The following TMEM50B variants were observed in gnomAD, a reference collection of about 807,000 sequenced individuals.
The protein encoded by TMEM50B is transmembrane protein 50B, also known as HCV p7-trans-regulated protein 3.
A neutral mutation model predicts 23.4 loss-of-function variants in TMEM50B; 14 were observed. That is an observed-to-expected ratio of 0.60 (90% CI 0.39 to 0.93). TMEM50B has a LOEUF of 0.93. Among genes scored for constraint, TMEM50B ranks in the 40% least tolerant of loss-of-function variants. TMEM50B has a pLI of 0.00. For missense variants in TMEM50B, 159 were observed against 193.0 expected (o/e 0.82, Z 1.04); for synonymous variants, 64 against 62.3 (o/e 1.03, Z -0.13).
At chr21:33,452,138 A>G (rs1292464871) in intron 6 of TMEM50B, among the ~76,000 whole-genome samples, 1 of 152,252 alleles carries the variant, frequency 6.6e-6, no homozygotes, top group Non-Finnish European at 1.5e-5. Flanking sequence ...CTTAATCTCT[A>G]AAGACTGCCT....
chr21:33,458,369 C>T (rs2084188604), intron 5 of TMEM50B, among the ~76,000 whole-genome samples: 1 of 152,216 alleles, frequency 6.6e-6, no homozygotes, highest in East Asian at 1.9e-4. Flanking sequence ...CAAAAATTAT[C>T]TGGGCGTGGT....
At chr21:33,477,859 G>A (rs1313118414) in intron 1 of TMEM50B, among the ~76,000 whole-genome samples, 1 of 151,306 alleles carries the variant, frequency 6.6e-6, no homozygotes, top group Non-Finnish European at 1.5e-5. Context: ...CTTTAGGCCG[G>A]GCACAGTGGC....
At chr21:33,458,544 G>T (rs537262626) in intron 5 of TMEM50B, among the ~76,000 whole-genome samples, 1 of 152,276 alleles carries the variant, frequency 6.6e-6, no homozygotes, top group South Asian at 2.1e-4. Context: ...GATTCCATGT[G>T]TATGAAATAG....
downstream of TMEM50B, among the ~76,000 whole-genome samples, chr21:33,448,119 G>C (rs777977184): frequency 6.6e-6 from 1 of 151,374 alleles, no homozygotes; most frequent in Non-Finnish European, 1.5e-5. Flanking sequence ...TCAGCCTCCC[G>C]AGTAGCTGGG....
At chr21:33,437,139 T>TC in intron 8 of TMEM50B, 1 of 584,946 alleles carries the variant, frequency 1.7e-6, no homozygotes, top group Non-Finnish European at 3.0e-6. Flanking sequence ...TTTTTTTTTT[T>TC]CTTAAAGAAT....
intron 7 of TMEM50B, among the ~76,000 whole-genome samples, chr21:33,441,516 C>G (rs942703676): frequency 2.0e-5 from 3 of 152,142 alleles, no homozygotes; most frequent in African/African-American, 7.2e-5. Flanking sequence ...GGATGCCATT[C>G]CAAGGTTAGA....
intron 4 of TMEM50B, chr21:33,465,126 A>G (rs982459955): frequency 1.6e-5 from 7 of 429,828 alleles, no homozygotes; most frequent in Non-Finnish European, 2.9e-5. Flanking sequence ...TTTTTTATCT[A>G]TATCATGGGC....
At chr21:33,448,056 G>A (rs569634712), downstream of TMEM50B, among the ~76,000 whole-genome samples, 150 of 152,180 alleles carry the variant, frequency 9.9e-4, no homozygotes, top group South Asian at 2.1e-3. Flanking sequence ...GCAGTTGCAC[G>A]ATCTTGGCTC....
chr21:33,478,714 G>C (rs949314408), intron 1 of TMEM50B: 5 of 463,762 alleles, frequency 1.1e-5, no homozygotes, highest in Non-Finnish European at 2.2e-5. Context: ...CTTTTGGTTT[G>C]CATTTCAATA....
downstream of TMEM50B, among the ~76,000 whole-genome samples, chr21:33,446,108 C>G (rs1405707553): frequency 6.6e-5 from 10 of 152,190 alleles, no homozygotes; most frequent in Admixed American, 6.5e-4. Flanking sequence ...ACAGGCTTTT[C>G]CCAAAGCCAG....
chr21:33,437,219 A>G (rs796921132), intron 8 of TMEM50B: 14 of 462,060 alleles, frequency 3.0e-5, no homozygotes, highest in African/African-American at 2.8e-4. Context: ...CTTAAACACT[A>G]AAAAGGCATG....
chr21:33,443,987 G>A (rs549337577), intron 7 of TMEM50B, among the ~76,000 whole-genome samples: 105 of 152,186 alleles, frequency 6.9e-4, no homozygotes, highest in African/African-American at 2.5e-3. Flanking sequence ...TGCAACTTCC[G>A]CCTCCTGGGT....
chr21:33,466,081 G>A (rs936105207), intron 3 of TMEM50B, among the ~76,000 whole-genome samples: 3 of 152,026 alleles, frequency 2.0e-5, no homozygotes, highest in Non-Finnish European at 2.9e-5. Context: ...CAAACATGGT[G>A]GAACCCCGTC....
In TMEM50B at chr21:33,467,037, C is replaced by A. The variant is rs1446739863; in HGVS notation, c.185G>T (p.Gly62Val). ...GAAGAAAGCCAATGTGGAAAATACA[C>A]CACATGTGTGAAAGGCATGGTTCAA... Reference protein sequence around the residue: ...EQLNHAFHTCGVFSTLAFFMI... With the variant: ...EQLNHAFHTCVVFSTLAFFMI... Residue 62 changes from glycine (G) to valine (V), a missense_variant, in exon 3 of 7, where the codon GGT (glycine) becomes GTT (valine). Coordinates refer to ENST00000542230, the MANE Select transcript of TMEM50B (RefSeq NM_006134.7). The A allele has an allele frequency of 1.1e-5, 18 of 1,613,946 alleles. No individual in the cohort carries two copies. Among genetic ancestry groups the A allele is most frequent in the Non-Finnish European group, 1.5e-5 (18 of 1,179,962 alleles).
At chr21:33,446,311 A>G (rs1367220980), downstream of TMEM50B, among the ~76,000 whole-genome samples, 1 of 150,198 alleles carries the variant, frequency 6.7e-6, no homozygotes, top group Non-Finnish European at 1.5e-5. Context: ...ATCTGAGCTC[A>G]CTGCAGCCTC....
At chr21:33,456,037 C>T (rs759037964) in intron 5 of TMEM50B, 15 of 669,984 alleles carry the variant, frequency 2.2e-5, no homozygotes, top group South Asian at 2.0e-4. Flanking sequence ...ATTGCTGGTT[C>T]TAGCTACATC....
At chr21:33,444,805 A>G, downstream of TMEM50B, among the ~76,000 whole-genome samples, 1 of 98,746 alleles carries the variant, frequency 1.0e-5, no homozygotes, top group South Asian at 3.2e-4. Flanking sequence ...TCTCTTTACA[A>G]AAAAAAAAAA....
intron 5 of TMEM50B, 121 bp downstream of exon 5, chr21:33,460,292 C>G: frequency 1.4e-6 from 1 of 706,894 alleles, no homozygotes; most frequent in Non-Finnish European, 2.5e-6. Flanking sequence ...TATCTTCACA[C>G]AGAGCAGTAT....
At chr21:33,456,650 G>A (rs2084171070) in intron 5 of TMEM50B, among the ~76,000 whole-genome samples, 1 of 152,228 alleles carries the variant, frequency 6.6e-6, no homozygotes, top group South Asian at 2.1e-4. Flanking sequence ...CCAAGTTTGA[G>A]CCAGACCCAG....
Sources: allele counts gnomAD v4.1 joint callset (sites outside exome capture counted in the v4.1 genomes callset), GRCh38; gene constraint gnomAD v4.1.1; transcripts MANE v1.5; gene names NCBI Gene and HGNC (gene_info 2026-07-23, HGNC 2026-07-21).